SSTR3: variants seen among roughly 807,000 people sequenced by gnomAD.
The protein encoded by SSTR3 is somatostatin receptor type 3.
For missense variants in SSTR3, 504 were observed against 604.7 expected, an observed-to-expected ratio of 0.83 and a Z score of 1.75; for synonymous variants, 281 against 269.2, an observed-to-expected ratio of 1.04 and a Z score of -0.43.
rs948309791 is a variant in SSTR3, at chr22:37,204,338, C to G, written c.*2209G>C. 1 of 152,298 alleles carries G rather than the reference C, an allele frequency of 6.6e-6. No individual in the cohort carries two copies. The highest frequency in any genetic ancestry group is 1.5e-5 in the Non-Finnish European group (1 of 68,088). The allele number at this position is 152,298 out of a possible 1,614,324, so 9.4% of individuals were successfully genotyped here. ...CATTCTAGGACATTACTCTCCTGTC[C>G]TAGGCAGCAAGAAGGCAGGATCAGC... On this transcript the variant is annotated 3_prime_UTR_variant, in exon 2 of 2. Coordinates refer to ENST00000610913, the MANE Select transcript of SSTR3 (RefSeq NM_001051.5).
chr22:37,212,723 T>TC (rs2145808937), upstream of SSTR3, among the ~76,000 whole-genome samples: 1 of 152,108 alleles, frequency 6.6e-6, no homozygotes, highest in East Asian at 1.9e-4. Context: ...GCGGCACAGG[T>TC]CCCCCGGGGC....
intron 1 of SSTR3, among the ~76,000 whole-genome samples, chr22:37,208,406 C>A (rs531301297): frequency 6.6e-6 from 1 of 152,330 alleles, no homozygotes; most frequent in East Asian, 1.9e-4. Context: ...GTGTCCCCTC[C>A]CCTGGGAGTC....
chr22:37,205,632 G>A lies in SSTR3; in HGVS notation c.*915C>T, dbSNP rs979030756. Reference sequence around the variant, plus strand: ...GGGATGGCCCTTCCTACAAGGAGGTGCCTGGAAGCCCTCAAAAGACCTGGG... The same window carrying A: ...GGGATGGCCCTTCCTACAAGGAGGTACCTGGAAGCCCTCAAAAGACCTGGG... On this transcript the variant is annotated 3_prime_UTR_variant, in exon 2 of 2. Transcript: ENST00000610913. 1 of 152,132 alleles carries A rather than the reference G, an allele frequency of 6.6e-6. No homozygotes were observed. The highest frequency in any genetic ancestry group is 2.4e-5 in the African/African-American group (1 of 41,420). The allele number at this position is 152,132 out of a possible 1,614,324, so 9.4% of individuals were successfully genotyped here.
intron 1 of SSTR3, among the ~76,000 whole-genome samples, chr22:37,208,802 C>T (rs1283814067): frequency 6.6e-6 from 1 of 152,214 alleles, no homozygotes; most frequent in Non-Finnish European, 1.5e-5. Context: ...GCTTTGGACC[C>T]TCCCCATTGC....
chr22:37,217,816 G>A, the SSTR3 span, among the ~76,000 whole-genome samples: 30 of 152,202 alleles, frequency 2.0e-4, no homozygotes, highest in Admixed American at 1.5e-3. Context: ...TGATTCTTCT[G>A]CCTCAGCCTC....
At chr22:37,213,260 G>A (rs1424085498), upstream of SSTR3, among the ~76,000 whole-genome samples, 1 of 152,174 alleles carries the variant, frequency 6.6e-6, no homozygotes, top group Non-Finnish European at 1.5e-5. Context: ...GTACAGTCCT[G>A]AGCACAGGCC....
Position 37,207,150 on chromosome 22 carries a change from C to T in SSTR3, c.654G>A (p.Pro218=), listed in dbSNP as rs202190379. The T allele has an allele frequency of 3.0e-5, 49 of 1,612,432 alleles. No homozygotes were observed. Among genetic ancestry groups the T allele is most frequent in the Admixed American group, 1.7e-5 (1 of 59,980 alleles). The part of the protein sequence containing the change: ...IYTAALGFFG[P]LLVICLCYLL... Reference sequence around the variant, plus strand: ...GGTAGCAGAGGCAGATGACCAGCAGCGGCCCGAAGAAGCCCAGTGCGGCCG... The same window carrying T: ...GGTAGCAGAGGCAGATGACCAGCAGTGGCCCGAAGAAGCCCAGTGCGGCCG... The change falls in exon 2 of 2, where the codon CCG becomes CCA. Residue 218 remains proline, a synonymous_variant. Coordinates refer to ENST00000610913, the MANE Select transcript of SSTR3 (RefSeq NM_001051.5).
rs143429499 is a variant in SSTR3 at position 37,206,687 on chromosome 22, G to A, written c.1117C>T (p.Arg373Trp). 9.4e-5 allele frequency: 152 copies of A among 1,609,104 alleles called. No individual in the cohort carries two copies. The highest frequency in any genetic ancestry group is 4.7e-4 in the African/African-American group (35 of 75,028). ...CCAGGCTGCGTGATCTGGCTGACCC[G>A]GCCGTTCATCTCCTTCCCCTTGCCC... ...EGGKGKEMNGRVSQITQPGTS... is the reference protein window; with the variant it reads ...EGGKGKEMNGWVSQITQPGTS... Residue 373 changes from arginine to tryptophan, a missense_variant, in exon 2 of 2, where the codon CGG (arginine) becomes TGG (tryptophan). Coordinates refer to ENST00000610913, the MANE Select transcript of SSTR3 (RefSeq NM_001051.5).
upstream of SSTR3, among the ~76,000 whole-genome samples, chr22:37,216,371 T>C (rs1276806330): frequency 6.6e-6 from 1 of 152,294 alleles, no homozygotes; most frequent in Non-Finnish European, 1.5e-5. Context: ...CTCTCACCCC[T>C]TCTCCCCATC....
In SSTR3 at chr22:37,206,719, C is replaced by T; in HGVS notation, c.1085G>A (p.Arg362Lys). 6.2e-7 allele frequency: 1 copy of T among 1,608,926 alleles called. No individual in the cohort carries two copies. The highest frequency in any genetic ancestry group is 8.5e-7 in the Non-Finnish European group (1 of 1,179,888). ...DEEEEDGEES[R>K]EGGKGKEMNG... is the part of the protein sequence containing the mutation. ...CATCTCCTTCCCCTTGCCCCCCTCC[C>T]TGCTCTCCTCCCCATCCTCCTCCTC... Residue 362 changes from arginine to lysine, a missense_variant, in exon 2 of 2, where the codon AGG (arginine) becomes AAG (lysine). Physicochemically the swap from Arg to Lys is conservative, Grantham distance 26 (BLOSUM62 2). Coordinates refer to ENST00000610913, the MANE Select transcript of SSTR3 (RefSeq NM_001051.5).
intron 1 of SSTR3, chr22:37,210,938 TTGTCCCCGGATGGAAGCCTCAGA>T (rs1926152835): frequency 4.1e-6 from 4 of 985,364 alleles, no homozygotes; most frequent in African/African-American, 3.5e-5. Flanking sequence ...AGGTGGGACA[TTGTCCCCGGATGGAAGCCTCAGA>T]CTCACATCAT....
intron 1 of SSTR3, among the ~76,000 whole-genome samples, chr22:37,211,414 C>G (rs1285377587): frequency 6.6e-6 from 1 of 152,212 alleles, no homozygotes; most frequent in East Asian, 1.9e-4. Flanking sequence ...GTCACTTCTC[C>G]CCGCTGCACC....
At chr22:37,211,653 C>T (rs528384670) in intron 1 of SSTR3, among the ~76,000 whole-genome samples, 172 bp downstream of exon 1, 25 of 152,150 alleles carry the variant, frequency 1.6e-4, no homozygotes, top group African/African-American at 5.3e-4. Flanking sequence ...CTGAGACTAA[C>T]GCCCCTGCCC....
chr22:37,211,922 C>T lies in SSTR3; in HGVS notation c.-134G>A. ...AGTCCCCAGGTGCCCCCAGGGCACT[C>T]CTAACTAGGGTCCCCACAAGGCACC... On this transcript the variant is annotated 5_prime_UTR_variant, in exon 1 of 2. Coordinates refer to ENST00000610913, the MANE Select transcript of SSTR3 (RefSeq NM_001051.5). 1 of 985,692 alleles carries T rather than the reference C, an allele frequency of 1.0e-6. No homozygotes were observed. The highest frequency in any genetic ancestry group is 1.2e-6 in the Non-Finnish European group (1 of 830,114). 61.1% of individuals were successfully genotyped at this position (985,692 alleles called of 1,614,324 possible).
At position 37,207,676 on chromosome 22, in the gene SSTR3, C is replaced by A. The variant is rs1925925418; in HGVS notation, c.128G>T (p.Ser43Ile). ...AGPSPAGLAV[S>I]GVLIPLVYLV... ...GTAGACCAGGGGGATCAGAACGCCACTGACGGCCAGCCCTGCCGGGCTTGG... is the reference window on the plus strand; with the variant it reads ...GTAGACCAGGGGGATCAGAACGCCAATGACGGCCAGCCCTGCCGGGCTTGG... The change falls in exon 2 of 2, where the codon AGT becomes ATT. Residue 43 changes from serine to isoleucine, a missense_variant. Coordinates refer to ENST00000610913, the MANE Select transcript of SSTR3 (RefSeq NM_001051.5). 6.4e-7 allele frequency: 1 copy of A among 1,573,424 alleles called. No homozygotes were observed. The highest frequency in any genetic ancestry group is 1.4e-5 in the African/African-American group (1 of 73,994).
At chr22:37,220,291 C>G in the SSTR3 span, among the ~76,000 whole-genome samples, 7 of 152,084 alleles carry the variant, frequency 4.6e-5, no homozygotes, top group Non-Finnish European at 1.0e-4. Flanking sequence ...GCCTGGCACA[C>G]AGTGAAAATC....
Position 37,206,588 on chromosome 22 carries a change from T to C in SSTR3, c.1216A>G (p.Thr406Ala), listed in dbSNP as rs1925765970. 6.2e-7 allele frequency: 1 copy of C among 1,612,160 alleles called. No homozygotes were observed. Among genetic ancestry groups the C allele is most frequent in the Non-Finnish European group, 8.5e-7 (1 of 1,179,884 alleles). Residue 406 changes from threonine (T) to alanine (A), a missense_variant, in exon 2 of 2, where the codon ACT becomes GCT. Coordinates refer to ENST00000610913, the MANE Select transcript of SSTR3 (RefSeq NM_001051.5). ...EQQLLPQEAS[T>A]GEKSSTMRIS... ...CGCATCGTGCTGGACTTCTCCCCAGTGGAAGCCTCTTGGGGTAGGAGCTGC... is the reference window on the plus strand; with the variant it reads ...CGCATCGTGCTGGACTTCTCCCCAGCGGAAGCCTCTTGGGGTAGGAGCTGC...
chr22:37,214,418 T>C (rs191013820), upstream of SSTR3, among the ~76,000 whole-genome samples: 30 of 152,346 alleles, frequency 2.0e-4, no homozygotes, highest in African/African-American at 7.2e-4. Flanking sequence ...ACAGATCTTT[T>C]AATCCTTATC....
At chr22:37,218,278 C>T in the SSTR3 span, among the ~76,000 whole-genome samples, 1 of 152,140 alleles carries the variant, frequency 6.6e-6, no homozygotes, top group Non-Finnish European at 1.5e-5. Flanking sequence ...GCATTAAGCC[C>T]GGGCATGGTG....
Sources: allele counts gnomAD v4.1 joint callset (sites outside exome capture counted in the v4.1 genomes callset), GRCh38; gene constraint gnomAD v4.1.1; transcripts MANE v1.5; gene names NCBI Gene and HGNC (gene_info 2026-07-23, HGNC 2026-07-21).